The following SAMD10 variants were observed in gnomAD, a reference collection of about 807,000 sequenced individuals.
SAMD10 encodes sterile alpha motif domain-containing protein 10.
Under a neutral mutation model 22.5 loss-of-function variants are expected in SAMD10, and 16 were observed. The ratio of observed to expected loss-of-function variants is 0.71; its 90% CI spans 0.48 to 1.08. The LOEUF (loss-of-function observed/expected upper bound fraction) is 1.08. SAMD10 is among the 50% of genes least tolerant of loss of function. The pLI is 0.00. For synonymous variants in SAMD10, 118 were observed against 122.2 expected, an observed-to-expected ratio of 0.97 and a Z score of 0.23; for missense variants, 227 against 281.3, an observed-to-expected ratio of 0.81 and a Z score of 1.38.
chr20:63,978,258 G>A, intron 1 of SAMD10: 1 of 1,277,184 alleles, frequency 7.8e-7, no homozygotes, highest in Non-Finnish European at 1.0e-6. Context: ...AGTCTGGGGA[G>A]GCAGGCGTCT....
chr20:63,978,134 G>T, intron 1 of SAMD10: 1 of 416,090 alleles, frequency 2.4e-6, no homozygotes. Context: ...TATGTGGGGT[G>T]CAGCCATTGC....
intron 1 of SAMD10, chr20:63,978,383 G>T: frequency 9.3e-7 from 1 of 1,078,290 alleles, no homozygotes; most frequent in Non-Finnish European, 1.3e-6. Flanking sequence ...CAGAAGGTGG[G>T]CACAGGCCTG....
In SAMD10 at chr20:63,975,371, T is replaced by C; in HGVS notation, c.*139A>G. 6 of 1,025,362 alleles carry C rather than the reference T, an allele frequency of 5.9e-6. No individual in the cohort carries two copies. In the South Asian group the frequency reaches 8.3e-5, roughly 14 times the overall value. 63.5% of individuals were successfully genotyped at this position (1,025,362 alleles called of 1,614,324 possible). ...GAGGCGCCTGGAGGTGTGATCCTGGTCCTGTCTGTCCGTTGGGCCAGCCTG... is the reference window on the plus strand; with the variant it reads ...GAGGCGCCTGGAGGTGTGATCCTGGCCCTGTCTGTCCGTTGGGCCAGCCTG... On this transcript the variant is annotated 3_prime_UTR_variant, in exon 5 of 5. Transcript: ENST00000369886.
rs2059035123 is a variant in SAMD10 at position 63,977,764 on chromosome 20, G to A, written c.92-358C>T. 6.6e-6 allele frequency among the ~76,000 whole-genome samples: 1 copy of A among 152,222 alleles called. No individual in the cohort carries two copies. The highest frequency in any genetic ancestry group is 6.5e-5 in the Admixed American group (1 of 15,282). ...CCTGACCTCACCCTTGCCTTGGGCT[G>A]GCCCACAAGTCTTGCACACACCACA... On this transcript the variant is annotated intron_variant, in intron 1 of 4. Transcript: ENST00000369886. The surrounding 1 kb of genome is among the most constrained non-coding windows in gnomAD (Gnocchi z 5.4).
At chr20:63,976,268 G>A (rs1250275069) in intron 3 of SAMD10, among the ~76,000 whole-genome samples, 7 of 151,964 alleles carry the variant, frequency 4.6e-5, no homozygotes, top group African/African-American at 1.2e-4. Flanking sequence ...CGGGAAGCAC[G>A]GGCACAGAGA....
Position 63,977,447 on chromosome 20 carries a change from A to G in SAMD10, c.92-41T>C, listed in dbSNP as rs763298977. Reference sequence around the variant, plus strand: ...CCTGGTCAGGGCAGTCAAGGGCAGAACCAGAGGCTTCCTCTACTTGAGAGC... The same window carrying G: ...CCTGGTCAGGGCAGTCAAGGGCAGAGCCAGAGGCTTCCTCTACTTGAGAGC... On this transcript the variant is annotated intron_variant, in intron 1 of 4. Coordinates refer to ENST00000369886, the MANE Select transcript of SAMD10 (RefSeq NM_080621.5). This position sits in a 1 kb window ranked among gnomAD's most constrained non-coding sequence, Gnocchi z 5.4. 1 of 1,595,468 alleles carries G rather than the reference A, an allele frequency of 6.3e-7. No homozygotes were observed. Among genetic ancestry groups the G allele is most frequent in the South Asian group, 1.1e-5 (1 of 90,146 alleles).
chr20:63,979,313 G>A lies in SAMD10; in HGVS notation c.91+64C>T. The A allele has an allele frequency of 2.6e-6, 1 of 392,154 alleles. No individual in the cohort carries two copies. The highest frequency in any genetic ancestry group is 1.3e-4 in the East Asian group (1 of 7,798). The allele number at this position is 392,154 out of a possible 1,614,324, so 24.3% of individuals were successfully genotyped here. Reference sequence around the variant, plus strand: ...GCCCGCCGGGTCCCGCCCCGCCCCCGTGCCTCTGGGTCCCTGAGACCCCCG... The same window carrying A: ...GCCCGCCGGGTCCCGCCCCGCCCCCATGCCTCTGGGTCCCTGAGACCCCCG... On this transcript the variant is annotated intron_variant, in intron 1 of 4. Coordinates refer to ENST00000369886, the MANE Select transcript of SAMD10 (RefSeq NM_080621.5). The surrounding 1 kb of genome is among the most constrained non-coding windows in gnomAD (Gnocchi z 7.7).
At chr20:63,978,798 G>A (rs1416395379) in intron 1 of SAMD10, among the ~76,000 whole-genome samples, 2 of 152,222 alleles carry the variant, frequency 1.3e-5, no homozygotes, top group African/African-American at 4.8e-5. Context: ...GACAGGCGCC[G>A]TGGTCGCCGG....
chr20:63,976,539 G>T (rs1000352145), intron 3 of SAMD10, among the ~76,000 whole-genome samples: 2 of 151,950 alleles, frequency 1.3e-5, no homozygotes, highest in Non-Finnish European at 2.9e-5. Context: ...GAGGCAGGCG[G>T]ATCACCTGAG....
At position 63,979,330 on chromosome 20, in the gene SAMD10, A is replaced by T; in HGVS notation, c.91+47T>A. ...CCGCCCCCGTGCCTCTGGGTCCCTG[A>T]GACCCCCGCCCGAGAAATCCCCGCT... On this transcript the variant is annotated intron_variant, in intron 1 of 4. Coordinates refer to ENST00000369886, the MANE Select transcript of SAMD10 (RefSeq NM_080621.5). The surrounding 1 kb of genome is among the most constrained non-coding windows in gnomAD (Gnocchi z 7.7). 1.0e-5 allele frequency: 10 copies of T among 977,096 alleles called. No individual in the cohort carries two copies. Among genetic ancestry groups the T allele is most frequent in the South Asian group, 1.6e-5 (1 of 64,124 alleles). 60.5% of individuals were successfully genotyped at this position (977,096 alleles called of 1,614,324 possible).
upstream of SAMD10, chr20:63,979,645 C>G: frequency 1.0e-6 from 1 of 985,002 alleles, no homozygotes; most frequent in Non-Finnish European, 1.2e-6. The surrounding 1 kb of genome is among the most constrained non-coding windows in gnomAD (Gnocchi z 7.7). Context: ...CCCTGTGTGC[C>G]GGGCGCGCTC....
rs2059016703 is a variant in SAMD10, at chr20:63,975,634, C to T, written c.586+58G>A. The T allele has an allele frequency of 1.2e-5, 19 of 1,573,832 alleles. 3 individuals are homozygous for T. The South Asian group carries it at 2.2e-4, about 18-fold the overall frequency. ...GCCGACCTCCTGAGGTCATCCCACCCCACACTCAGAGGGGCTTCTCCATCA... is the reference window on the plus strand; with the variant it reads ...GCCGACCTCCTGAGGTCATCCCACCTCACACTCAGAGGGGCTTCTCCATCA... On this transcript the variant is annotated intron_variant, in intron 4 of 4. Transcript: ENST00000369886.
At position 63,977,212 on chromosome 20, in the gene SAMD10, A is replaced by C; in HGVS notation, c.273+13T>G. 2 of 834,974 alleles carry C rather than the reference A, an allele frequency of 2.4e-6. No individual in the cohort carries two copies. Among genetic ancestry groups the C allele is most frequent in the Non-Finnish European group, 3.7e-6 (2 of 537,428 alleles). The allele number at this position is 834,974 out of a possible 1,614,324, so 51.7% of individuals were successfully genotyped here. A position where few individuals can be genotyped will look rare whatever the true frequency, so the allele number is the denominator to read the frequency against. ...GGAGGGCAGGGACGGAGGTGGGTGG[A>C]GTGGGTGGGTACCTGGGGGGTGTCT... is the stretch of plus-strand genomic sequence containing the variant. On this transcript the variant is annotated intron_variant, in intron 2 of 4. Coordinates refer to ENST00000369886, the MANE Select transcript of SAMD10 (RefSeq NM_080621.5). The surrounding 1 kb of genome is among the most constrained non-coding windows in gnomAD (Gnocchi z 5.4).
chr20:63,975,409 T>A lies in SAMD10; in HGVS notation c.*101A>T. The A allele has an allele frequency of 1.4e-6, 2 of 1,453,556 alleles. No individual in the cohort carries two copies. The highest frequency in any genetic ancestry group is 1.9e-6 in the Non-Finnish European group (2 of 1,052,214). The allele number at this position is 1,453,556 out of a possible 1,614,324, so 90.0% of individuals were successfully genotyped here. A position where few individuals can be genotyped will look rare whatever the true frequency, so the allele number is the denominator to read the frequency against. ...TTGGGCCAGCCTGGCCGCCCCGGCA[T>A]CCCGCAGGGTCCAAGAGGCGCTGCG... On this transcript the variant is annotated 3_prime_UTR_variant, in exon 5 of 5. Coordinates refer to ENST00000369886, the MANE Select transcript of SAMD10 (RefSeq NM_080621.5).
At position 63,977,073 on chromosome 20, in the gene SAMD10, C is replaced by T. The variant is rs2059028820; in HGVS notation, c.343G>A (p.Val115Met). Residue 115 changes from valine to methionine, a missense_variant, in exon 3 of 5, where the codon GTG (valine) becomes ATG (methionine). Val to Met is a conservative substitution (Grantham distance 21). Coordinates refer to ENST00000369886, the MANE Select transcript of SAMD10 (RefSeq NM_080621.5). This position sits in a 1 kb window ranked among gnomAD's most constrained non-coding sequence, Gnocchi z 5.4. ...ACGTCCTGCTGACTCCACAGGACCA[C>T]GGGCCGGGTCAGGCCACCCAGCGAG... Reference protein sequence around the residue: ...SPSLGGLTRPVVLWSQQDVCK... With the variant: ...SPSLGGLTRPMVLWSQQDVCK... The T allele has an allele frequency of 3.7e-6, 6 of 1,613,986 alleles. No individual in the cohort carries two copies. The highest frequency in any genetic ancestry group is 2.2e-5 in the East Asian group (1 of 44,896).
Position 63,975,525 on chromosome 20 carries a change from G to C in SAMD10, c.594C>G (p.Phe198Leu), listed in dbSNP as rs762089803. The change falls in exon 5 of 5, where the codon TTC (phenylalanine) becomes TTG (leucine). Residue 198 changes from phenylalanine (F) to leucine (L), a missense_variant. Coordinates refer to ENST00000369886, the MANE Select transcript of SAMD10 (RefSeq NM_080621.5). ...TCAGCAGCAGCTAGGACATTTTCCC[G>C]AAGGAAGCTGTGTGATGGAAGAGGG... ...RSLQLLSQASFGKMS is the reference protein window; with the variant it reads ...RSLQLLSQASLGKMS 2 of 1,607,002 alleles carry C rather than the reference G, an allele frequency of 1.2e-6. No homozygotes were observed. Among genetic ancestry groups the C allele is most frequent in the Non-Finnish European group, 1.7e-6 (2 of 1,177,944 alleles).
chr20:63,977,125 G>A lies in SAMD10; in HGVS notation c.291C>T (p.Asp97=), dbSNP rs1303390325. Reference sequence around the variant, plus strand: ...GGCTTGTATGGTACAGGCCATAGTGGTCAGAGTACAGCCGGCCCTGCAGGG... The same window carrying A: ...GGCTTGTATGGTACAGGCCATAGTGATCAGAGTACAGCCGGCCCTGCAGGG... ...TDTPQGRLYS[D]HYGLYHTSPS... Residue 97 remains aspartate (D), a synonymous_variant, in exon 3 of 5, where the codon GAC becomes GAT. Coordinates refer to ENST00000369886, the MANE Select transcript of SAMD10 (RefSeq NM_080621.5). The surrounding 1 kb of genome is among the most constrained non-coding windows in gnomAD (Gnocchi z 5.4). The A allele has an allele frequency of 5.0e-6, 8 of 1,613,996 alleles. No individual in the cohort carries two copies. Among genetic ancestry groups the A allele is most frequent in the East Asian group, 2.2e-5 (1 of 44,878 alleles).
chr20:63,975,146 C>T lies in SAMD10; in HGVS notation c.*364G>A, dbSNP rs371574600. The T allele has an allele frequency of 5.8e-3, 1,796 of 310,708 alleles. 12 individuals are homozygous for T. Among genetic ancestry groups the T allele is most frequent in the Middle Eastern group, 0.011 (12 of 1,044 alleles). 19.2% of individuals were successfully genotyped at this position (310,708 alleles called of 1,614,324 possible). ...AGCAGGCGATGGGGGACCGACATCACGTGGAGAGGGGAATGTAAATAAACA... is the reference window on the plus strand; with the variant it reads ...AGCAGGCGATGGGGGACCGACATCATGTGGAGAGGGGAATGTAAATAAACA... On this transcript the variant is annotated 3_prime_UTR_variant, in exon 5 of 5. Transcript: ENST00000369886.
chr20:63,977,497 C>T lies in SAMD10; in HGVS notation c.92-91G>A. ...CTAGCTCCCTGCCCCATCTCCTCCA[C>T]ACTAGTGCGGGAAATCACCTCCCCA... On this transcript the variant is annotated intron_variant, in intron 1 of 4. Coordinates refer to ENST00000369886, the MANE Select transcript of SAMD10 (RefSeq NM_080621.5). This position sits in a 1 kb window ranked among gnomAD's most constrained non-coding sequence, Gnocchi z 5.4. The T allele has an allele frequency of 1.5e-6, 2 of 1,332,586 alleles. No individual in the cohort carries two copies. The highest frequency in any genetic ancestry group is 2.7e-5 in the South Asian group (2 of 74,916). The allele number at this position is 1,332,586 out of a possible 1,614,324, so 82.5% of individuals were successfully genotyped here.
Sources: allele counts gnomAD v4.1 joint callset (sites outside exome capture counted in the v4.1 genomes callset), GRCh38; gene constraint gnomAD v4.1.1; non-coding constraint Gnocchi (gnomAD v3.1); transcripts MANE v1.5; gene names NCBI Gene and HGNC (gene_info 2026-07-23, HGNC 2026-07-21).